Variants in KCNK13 observed in about 807,000 individuals in gnomAD.
KCNK13 encodes potassium two pore domain channel subfamily K member 13.
In KCNK13, 12 loss-of-function variants were observed where a neutral mutation model predicts 23.4. The ratio of observed to expected loss-of-function variants is 0.51; its 90% CI spans 0.33 to 0.83. The LOEUF (loss-of-function observed/expected upper bound fraction) is 0.83. KCNK13 is among the 40% of genes least tolerant of loss of function. The pLI is 0.02. For synonymous variants in KCNK13, 231 were observed against 229.5 expected (o/e 1.01, Z -0.06); for missense variants, 463 against 556.3 (o/e 0.83, Z 1.69).
At chr14:90,107,883 G>T in intron 1 of KCNK13, 1 of 793,016 alleles carries the variant, frequency 1.3e-6, no homozygotes, top group Non-Finnish European at 2.3e-6. Flanking sequence ...GCAAGAATGG[G>T]GCCTTGAGTC....
At chr14:90,070,640 C>T (rs1404769970) in intron 1 of KCNK13, among the ~76,000 whole-genome samples, 1 of 152,176 alleles carries the variant, frequency 6.6e-6, no homozygotes, top group Admixed American at 6.5e-5. Context: ...CCATTGTCTT[C>T]GTGCTTAAAT....
chr14:90,081,375 T>C (rs12372851), intron 1 of KCNK13, among the ~76,000 whole-genome samples: 3,219 of 152,326 alleles, frequency 0.021, 38 homozygotes, highest in Middle Eastern at 0.037. Flanking sequence ...CCAGTCTCCC[T>C]TTGCTCCCCC....
chr14:90,140,391 T>C (rs1165780104), intron 1 of KCNK13, among the ~76,000 whole-genome samples: 4 of 152,188 alleles, frequency 2.6e-5, no homozygotes, highest in African/African-American at 9.6e-5. Context: ...GCAATGAACA[T>C]GAACATTTTA....
intron 1 of KCNK13, among the ~76,000 whole-genome samples, chr14:90,164,640 A>T (rs1354874482): frequency 1.3e-5 from 2 of 152,232 alleles, no homozygotes; most frequent in Non-Finnish European, 2.9e-5. Flanking sequence ...CAGTAGTACC[A>T]TAGGAAATTT....
chr14:90,087,608 ACT>A (rs1889296560), intron 1 of KCNK13, among the ~76,000 whole-genome samples: 1 of 151,894 alleles, frequency 6.6e-6, no homozygotes, highest in Non-Finnish European at 1.5e-5. Context: ...GACTTGCAAC[ACT>A]CTCGTTGCTC....
intron 1 of KCNK13, among the ~76,000 whole-genome samples, chr14:90,068,703 C>T (rs1889037207): frequency 6.6e-6 from 1 of 152,200 alleles, no homozygotes; most frequent in Admixed American, 6.5e-5. Flanking sequence ...GTCCTGGGCA[C>T]ATTCAAGTTT....
At chr14:90,090,131 G>A (rs754365707) in intron 1 of KCNK13, among the ~76,000 whole-genome samples, 3 of 152,208 alleles carry the variant, frequency 2.0e-5, no homozygotes, top group Non-Finnish European at 4.4e-5. Context: ...CCCCAGAATG[G>A]TCAATCCACC....
intron 1 of KCNK13, among the ~76,000 whole-genome samples, chr14:90,179,076 T>A (rs890609478): frequency 9.9e-5 from 15 of 152,174 alleles, no homozygotes; most frequent in Non-Finnish European, 2.1e-4. Flanking sequence ...TTAGGTATGG[T>A]AATGGCACAG....
chr14:90,077,253 G>A (rs1889149897), intron 1 of KCNK13, among the ~76,000 whole-genome samples: 1 of 151,526 alleles, frequency 6.6e-6, no homozygotes, highest in East Asian at 1.9e-4. Flanking sequence ...TTGAGTAGCT[G>A]GGATTACAGG....
chr14:90,136,913 G>A (rs996589144), intron 1 of KCNK13, among the ~76,000 whole-genome samples: 2 of 152,184 alleles, frequency 1.3e-5, no homozygotes, highest in Non-Finnish European at 2.9e-5. Context: ...ATGTTCATTA[G>A]CGTCGTCATG....
chr14:90,139,298 A>G (rs1889975414), intron 1 of KCNK13, among the ~76,000 whole-genome samples: 1 of 152,190 alleles, frequency 6.6e-6, no homozygotes, highest in South Asian at 2.1e-4. Context: ...GGGAAGTGAT[A>G]TTGAAGCTGA....
At chr14:90,159,714 C>T (rs555203997) in intron 1 of KCNK13, among the ~76,000 whole-genome samples, 1 of 152,250 alleles carries the variant, frequency 6.6e-6, no homozygotes, top group South Asian at 2.1e-4. Flanking sequence ...CACAAAAGTC[C>T]TACGAGGGTG....
intron 1 of KCNK13, among the ~76,000 whole-genome samples, chr14:90,106,436 A>G (rs1055082393): frequency 2.0e-4 from 31 of 151,406 alleles, no homozygotes; most frequent in African/African-American, 6.6e-4. Context: ...TTAGCCAGGC[A>G]TGGTGGCTCA....
intron 1 of KCNK13, among the ~76,000 whole-genome samples, chr14:90,105,515 G>A (rs983892352): frequency 3.3e-5 from 5 of 152,174 alleles, no homozygotes; most frequent in Non-Finnish European, 7.3e-5. Flanking sequence ...GGGACATTCT[G>A]TGTATGGAAA....
At chr14:90,144,461 A>T (rs937850136) in intron 1 of KCNK13, among the ~76,000 whole-genome samples, 7 of 148,984 alleles carry the variant, frequency 4.7e-5, no homozygotes, top group African/African-American at 1.7e-4. Flanking sequence ...ATAGACAATC[A>T]TGTCTACTGA....
At position 90,069,237 on chromosome 14, in the gene KCNK13, A is replaced by G. The variant is rs139225000; in HGVS notation, c.334+6698A>G. ...TTTTTAGTAGAGATGAGGTTTCACC[A>G]TGTTGGTCAGGCTGGTCTCAAACTC... On this transcript the variant is annotated intron_variant, in intron 1 of 1. Transcript: ENST00000282146. Among the ~76,000 whole-genome samples, 947 of 152,070 alleles carry G rather than the reference A, an allele frequency of 6.2e-3. 15 individuals carry two copies. The highest frequency in any genetic ancestry group is 0.022 in the African/African-American group (918 of 41,474).
chr14:90,084,025 T>C (rs1342261804), intron 1 of KCNK13, among the ~76,000 whole-genome samples: 1 of 152,236 alleles, frequency 6.6e-6, no homozygotes, highest in African/African-American at 2.4e-5. Flanking sequence ...TTCTATTCCA[T>C]TGACCTATCT....
intron 1 of KCNK13, among the ~76,000 whole-genome samples, chr14:90,097,690 C>T (rs919557172): frequency 7.9e-5 from 12 of 152,252 alleles, no homozygotes; most frequent in South Asian, 4.1e-4. Flanking sequence ...CAGAGGCTCA[C>T]GCTCCCCAGA....
At chr14:90,095,814 G>A (rs1449229063) in intron 1 of KCNK13, among the ~76,000 whole-genome samples, 1 of 152,116 alleles carries the variant, frequency 6.6e-6, no homozygotes, top group Non-Finnish European at 1.5e-5. Flanking sequence ...CACAGGTCGA[G>A]GGCTCAGTCC....
Sources: gnomAD v4.1 joint callset for allele counts (sites outside exome capture counted in the v4.1 genomes callset) on GRCh38, gnomAD v4.1.1 for gene constraint, MANE v1.5 for transcripts, NCBI Gene and HGNC (gene_info 2026-07-23, HGNC 2026-07-21) for gene names.